ATG10: variants seen among roughly 807,000 people sequenced by gnomAD.
ATG10 encodes autophagy related 10.
ATG10 carries 30 observed loss-of-function variants against 32.1 expected under a neutral mutation model. That is an observed-to-expected ratio of 0.94 (90% CI 0.70 to 1.27). The LOEUF (loss-of-function observed/expected upper bound fraction) is 1.27, where lower values mean the gene tolerates loss of function less well. Ranked by LOEUF, ATG10 falls within the 50% of genes most tolerant of loss-of-function variation. The pLI, the probability that ATG10 is intolerant of heterozygous loss-of-function variation, is 0.00. For synonymous variants in ATG10, 87 were observed against 91.5 expected, an observed-to-expected ratio of 0.95 and a Z score of 0.28; for missense variants, 233 against 262.3, an observed-to-expected ratio of 0.89 and a Z score of 0.77.
At chr5:82,151,427 G>C (rs1362986422) in intron 3 of ATG10, among the ~76,000 whole-genome samples, 1 of 152,256 alleles carries the variant, frequency 6.6e-6, no homozygotes, top group East Asian at 1.9e-4. Flanking sequence ...ATGCCATAGA[G>C]GTTAATTATG....
chr5:82,025,375 T>C lies in ATG10; in HGVS notation c.109-33120T>C, dbSNP rs926461671. Among the ~76,000 whole-genome samples, 6 of 152,334 alleles carry C rather than the reference T, an allele frequency of 3.9e-5. No individual in the cohort carries two copies. In the South Asian group the frequency reaches 1.2e-3, roughly 32 times the overall value. On this transcript the variant is annotated intron_variant, in intron 2 of 7. Transcript: ENST00000282185. ...GATGCATTAGCTTTTTTGTAGCTAC[T>C]CTATGGGTTCTGCTTATGAGGGTGG...
At chr5:82,102,935 A>G (rs781533824) in intron 3 of ATG10, among the ~76,000 whole-genome samples, 8 of 152,210 alleles carry the variant, frequency 5.3e-5, no homozygotes, top group Non-Finnish European at 7.3e-5. Context: ...GTTAACTAAT[A>G]TAATATGCAC....
chr5:82,038,478 T>C (rs1297883295), intron 2 of ATG10, among the ~76,000 whole-genome samples: 1 of 152,204 alleles, frequency 6.6e-6, no homozygotes, highest in Admixed American at 6.5e-5. Context: ...CAGTTGCACA[T>C]GTGTGAAGCT....
At chr5:82,203,341 G>A (rs534418869) in intron 5 of ATG10, among the ~76,000 whole-genome samples, 1 of 152,240 alleles carries the variant, frequency 6.6e-6, no homozygotes, top group South Asian at 2.1e-4. Flanking sequence ...CCACAGTGGG[G>A]CAGCCATTGG....
intron 2 of ATG10, among the ~76,000 whole-genome samples, chr5:82,014,909 T>TTTC (rs1762236749): frequency 6.6e-6 from 1 of 152,226 alleles, no homozygotes; most frequent in African/African-American, 2.4e-5. Flanking sequence ...GTTGATGCAG[T>TTTC]TTCTTCCTAG....
chr5:82,185,476 G>A (rs567796948), intron 5 of ATG10, among the ~76,000 whole-genome samples: 1 of 152,284 alleles, frequency 6.6e-6, no homozygotes, highest in African/African-American at 2.4e-5. Flanking sequence ...GAGTGGAATA[G>A]GAGAAGCCTG....
At chr5:82,231,513 T>C (rs1386612066) in intron 5 of ATG10, among the ~76,000 whole-genome samples, 4 of 152,222 alleles carry the variant, frequency 2.6e-5, no homozygotes, top group Non-Finnish European at 5.9e-5. Context: ...GATTTCTCAA[T>C]ACGGCAGCCT....
At chr5:82,247,935 A>C (rs1747098032) in intron 5 of ATG10, among the ~76,000 whole-genome samples, 1 of 152,054 alleles carries the variant, frequency 6.6e-6, no homozygotes, top group African/African-American at 2.4e-5. Context: ...TGCCTTCCTC[A>C]GGGTTATCCA....
At chr5:81,989,638 G>A (rs1158726984) in intron 2 of ATG10, among the ~76,000 whole-genome samples, 2 of 150,040 alleles carry the variant, frequency 1.3e-5, no homozygotes, top group Admixed American at 1.3e-4. Context: ...TCGCTCTGTC[G>A]CCCAGGCTGG....
At chr5:82,071,126 C>A (rs1257163078) in intron 3 of ATG10, among the ~76,000 whole-genome samples, 1 of 152,066 alleles carries the variant, frequency 6.6e-6, no homozygotes, top group African/African-American at 2.4e-5. Context: ...AGAGTCCTTG[C>A]AGGAGGGTTG....
intron 3 of ATG10, chr5:82,147,180 CT>C: frequency 9.5e-6 from 2 of 211,450 alleles, no homozygotes; most frequent in South Asian, 5.1e-5. Flanking sequence ...TCTCTTTTTT[CT>C]TTTTTAAGGT....
At chr5:82,069,654 C>G (rs419924) in intron 3 of ATG10, among the ~76,000 whole-genome samples, 1 of 152,206 alleles carries the variant, frequency 6.6e-6, no homozygotes, top group Non-Finnish European at 1.5e-5. Flanking sequence ...TTAGAACTAT[C>G]TAGAATTTCT....
chr5:82,003,228 G>T (rs1020757146), intron 2 of ATG10, among the ~76,000 whole-genome samples: 6 of 152,172 alleles, frequency 3.9e-5, no homozygotes, highest in Non-Finnish European at 8.8e-5. Flanking sequence ...AGAAATTAAA[G>T]TACCGTAATA....
At chr5:82,182,053 A>T (rs1744257488) in intron 5 of ATG10, among the ~76,000 whole-genome samples, 1 of 152,190 alleles carries the variant, frequency 6.6e-6, no homozygotes, top group South Asian at 2.1e-4. Context: ...AATAATGATC[A>T]CTGGAAGGTG....
intron 2 of ATG10, among the ~76,000 whole-genome samples, chr5:82,008,061 T>C (rs988750181): frequency 6.6e-6 from 1 of 152,186 alleles, no homozygotes; most frequent in Non-Finnish European, 1.5e-5. Flanking sequence ...TGTTGTGAAA[T>C]ACTTTTTGAC....
intron 5 of ATG10, among the ~76,000 whole-genome samples, chr5:82,195,083 G>C (rs1378889964): frequency 6.6e-6 from 1 of 152,138 alleles, no homozygotes; most frequent in Admixed American, 6.5e-5. Context: ...AACACTTCAA[G>C]CACTTTGCTT....
intron 2 of ATG10, among the ~76,000 whole-genome samples, chr5:81,995,060 T>C (rs1761619261): frequency 6.6e-6 from 1 of 152,184 alleles, no homozygotes; most frequent in Non-Finnish European, 1.5e-5. Flanking sequence ...TTGTATAATC[T>C]CGAATTTCAC....
At chr5:82,163,590 T>A (rs1418126360) in intron 3 of ATG10, among the ~76,000 whole-genome samples, 1 of 152,194 alleles carries the variant, frequency 6.6e-6, no homozygotes, top group African/African-American at 2.4e-5. Flanking sequence ...TCAAAGGAAA[T>A]TCTTCAACCC....
intron 5 of ATG10, among the ~76,000 whole-genome samples, chr5:82,232,054 T>C: frequency 6.6e-6 from 1 of 152,194 alleles, no homozygotes; most frequent in East Asian, 1.9e-4. Flanking sequence ...TTGCCAGACA[T>C]AAGTATCTGG....
Sources: gnomAD v4.1 joint callset for allele counts (sites outside exome capture counted in the v4.1 genomes callset) on GRCh38, gnomAD v4.1.1 for gene constraint, MANE v1.5 for transcripts, NCBI Gene and HGNC (gene_info 2026-07-23, HGNC 2026-07-21) for gene names.